GRIN2A: variants seen among roughly 807,000 people sequenced by gnomAD.
GRIN2A encodes glutamate ionotropic receptor NMDA type subunit 2A, also known as glutamate receptor ionotropic, NMDA 2A.
Under a neutral mutation model 113.4 loss-of-function variants are expected in GRIN2A, and 22 were observed. The ratio of observed to expected loss-of-function variants is 0.19; its 90% CI spans 0.14 to 0.28. The LOEUF (loss-of-function observed/expected upper bound fraction) is 0.28. Among genes scored for constraint, GRIN2A ranks in the 10% least tolerant of loss-of-function variants. The probability of loss-of-function intolerance (pLI) is 1.00; values close to 1 mark genes in which losing one functional copy is unlikely to be tolerated. For synonymous variants in GRIN2A, 827 were observed against 738.4 expected, an observed-to-expected ratio of 1.12 and a Z score of -1.94; for missense variants, 1,502 against 1,887.0, an observed-to-expected ratio of 0.80 and a Z score of 3.78.
At chr16:10,039,003 A>G (rs1309473560) in intron 2 of GRIN2A, among the ~76,000 whole-genome samples, 2 of 151,924 alleles carry the variant, frequency 1.3e-5, no homozygotes, top group African/African-American at 4.8e-5. Flanking sequence ...CATCCCCCAA[A>G]CAGCAGCAAA....
chr16:9,882,904 C>G (rs556295024), intron 4 of GRIN2A, among the ~76,000 whole-genome samples: 1 of 152,316 alleles, frequency 6.6e-6, no homozygotes, highest in South Asian at 2.1e-4. Flanking sequence ...AAGCAGACAC[C>G]TTTCTAAGGG....
chr16:10,030,820 T>G (rs949438299), intron 2 of GRIN2A, among the ~76,000 whole-genome samples: 2 of 152,178 alleles, frequency 1.3e-5, no homozygotes, highest in Non-Finnish European at 2.9e-5. Context: ...CAGATACTAT[T>G]TAAGGCTTCA....
At chr16:10,170,598 G>A (rs1227141574) in intron 2 of GRIN2A, among the ~76,000 whole-genome samples, 1 of 152,162 alleles carries the variant, frequency 6.6e-6, no homozygotes, top group East Asian at 1.9e-4. Flanking sequence ...ATTTGGGGCT[G>A]GGGACGGTGG....
chr16:9,784,247 T>C (rs1257786443), intron 11 of GRIN2A, among the ~76,000 whole-genome samples: 1 of 151,986 alleles, frequency 6.6e-6, no homozygotes, highest in Non-Finnish European at 1.5e-5. Context: ...CTGGCCAACA[T>C]GGCAAAACCC....
intron 2 of GRIN2A, among the ~76,000 whole-genome samples, chr16:10,135,997 C>G (rs2049183642): frequency 6.6e-6 from 1 of 152,210 alleles, no homozygotes; most frequent in Non-Finnish European, 1.5e-5. Context: ...GACAGCTTCT[C>G]ACGCATTCCT....
Position 9,825,769 on chromosome 16 carries a change from C to A in GRIN2A, c.2008-3345G>T, listed in dbSNP as rs546483101. ...CTGGGAGGAGGCCTGGCTGCCTGAA[C>A]TGGGACCACTCAGCAGCAGCAGCAC... is the stretch of plus-strand genomic sequence containing the variant. On this transcript the variant is annotated intron_variant, in intron 9 of 12. Coordinates refer to ENST00000330684, the MANE Select transcript of GRIN2A (RefSeq NM_001134407.3). Among the ~76,000 whole-genome samples, 5 of 152,140 alleles carry A rather than the reference C, an allele frequency of 3.3e-5. No individual in the cohort carries two copies. In the South Asian group the frequency reaches 8.3e-4, roughly 25 times the overall value.
At chr16:9,910,886 A>G (rs2141549915) in intron 3 of GRIN2A, among the ~76,000 whole-genome samples, 1 of 151,864 alleles carries the variant, frequency 6.6e-6, no homozygotes, top group South Asian at 2.1e-4. Flanking sequence ...TTTCTACAAT[A>G]CCTCTGGCAG....
chr16:9,988,651 T>C (rs1446851393), intron 2 of GRIN2A, among the ~76,000 whole-genome samples: 1 of 152,102 alleles, frequency 6.6e-6, no homozygotes, highest in East Asian at 1.9e-4. Context: ...CCTTAAACAA[T>C]ATCATCTTCA....
intron 7 of GRIN2A, among the ~76,000 whole-genome samples, chr16:9,834,801 G>GTCAAGGATAT (rs1386463822): frequency 6.6e-6 from 1 of 151,994 alleles, no homozygotes; most frequent in African/African-American, 2.4e-5. Context: ...TACAAATTAG[G>GTCAAGGATAT]TCAAGGATAA....
At chr16:10,124,960 AG>A (rs1479264813) in intron 2 of GRIN2A, among the ~76,000 whole-genome samples, 6 of 152,192 alleles carry the variant, frequency 3.9e-5, no homozygotes, top group Admixed American at 2.6e-4. Context: ...TTCCAGGCAT[AG>A]GGAACCATGA....
chr16:10,114,259 G>A (rs903118375), intron 2 of GRIN2A, among the ~76,000 whole-genome samples: 9 of 152,166 alleles, frequency 5.9e-5, no homozygotes, highest in African/African-American at 1.4e-4. Context: ...GTGAGACTGT[G>A]CTCTGCAGCA....
intron 2 of GRIN2A, among the ~76,000 whole-genome samples, chr16:9,981,999 G>A (rs1261907206): frequency 6.6e-6 from 1 of 152,062 alleles, no homozygotes; most frequent in African/African-American, 2.4e-5. Flanking sequence ...TGTTGTCCAG[G>A]CAGGTCTGGA....
chr16:9,999,372 G>T (rs914922274), intron 2 of GRIN2A, among the ~76,000 whole-genome samples: 2 of 152,206 alleles, frequency 1.3e-5, no homozygotes. Flanking sequence ...ACTGGATAAA[G>T]AAAATGTGGC....
chr16:9,849,676 T>G (rs986818043), intron 5 of GRIN2A, 80 bp downstream of exon 5: 9 of 997,040 alleles, frequency 9.0e-6, no homozygotes, highest in African/African-American at 1.6e-5. Context: ...GTGATTCAAG[T>G]ACACATATTG....
At chr16:9,867,456 CAT>C (rs1401650986) in intron 4 of GRIN2A, among the ~76,000 whole-genome samples, 4 of 152,312 alleles carry the variant, frequency 2.6e-5, no homozygotes, top group Non-Finnish European at 4.4e-5. Context: ...CCTCTGCACA[CAT>C]GTCTTTCTTC....
intron 3 of GRIN2A, among the ~76,000 whole-genome samples, chr16:9,918,840 C>G (rs1035045534): frequency 1.7e-4 from 25 of 150,594 alleles, no homozygotes; most frequent in Non-Finnish European, 3.0e-4. Context: ...AAAAAACTAA[C>G]TTAAACAAAA....
intron 10 of GRIN2A, among the ~76,000 whole-genome samples, chr16:9,799,981 A>ATTG (rs1272142887): frequency 1.3e-5 from 2 of 151,534 alleles, no homozygotes; most frequent in Admixed American, 1.3e-4. Context: ...TATTATTATT[A>ATTG]TTATTATTAT....
At chr16:9,840,206 G>A (rs752862480) in intron 7 of GRIN2A, among the ~76,000 whole-genome samples, 1 of 152,100 alleles carries the variant, frequency 6.6e-6, no homozygotes, top group Non-Finnish European at 1.5e-5. Flanking sequence ...GAGTCCCCAG[G>A]AAACTTACAA....
At chr16:9,832,184 G>C (rs1336017590) in intron 8 of GRIN2A, among the ~76,000 whole-genome samples, 4 of 151,300 alleles carry the variant, frequency 2.6e-5, no homozygotes, top group Admixed American at 2.6e-4. Flanking sequence ...TCAAACTCCT[G>C]ACCTCAGGCA....
Sources: gnomAD v4.1 joint callset for allele counts (sites outside exome capture counted in the v4.1 genomes callset) on GRCh38, gnomAD v4.1.1 for gene constraint, MANE v1.5 for transcripts, NCBI Gene and HGNC (gene_info 2026-07-23, HGNC 2026-07-21) for gene names.